The following LHX3 variants were observed in gnomAD, a reference collection of about 807,000 sequenced individuals.
LHX3 encodes LIM/homeobox protein Lhx3.
LHX3 carries 21 observed loss-of-function variants against 32.4 expected under a neutral mutation model. The observed-to-expected ratio is 0.65, with a 90% CI of 0.46 to 0.93. The LOEUF (loss-of-function observed/expected upper bound fraction) is 0.93. Ranked by LOEUF, LHX3 falls within the 40% of genes least tolerant of loss-of-function variation. The pLI is 0.00. For synonymous variants in LHX3, 258 were observed against 246.8 expected, an observed-to-expected ratio of 1.05 and a Z score of -0.43; for missense variants, 626 against 560.0, an observed-to-expected ratio of 1.12 and a Z score of -1.19.
intron 1 of LHX3, chr9:136,203,247 G>A: frequency 1.8e-6 from 1 of 555,498 alleles, no homozygotes; most frequent in Non-Finnish European, 2.3e-6. Context: ...GCGGGGCCGG[G>A]GGTCGCGGAG....
intron 5 of LHX3, 117 bp from the exon 6 acceptor site, chr9:136,197,860 AT>A: frequency 2.9e-6 from 3 of 1,038,122 alleles, no homozygotes; most frequent in Non-Finnish European, 4.3e-6. Flanking sequence ...CCCACACCAC[AT>A]GACAGGTCAT....
At chr9:136,200,180 C>T (rs943598865) in intron 2 of LHX3, 3 of 568,636 alleles carry the variant, frequency 5.3e-6, no homozygotes, top group Admixed American at 6.1e-5. Context: ...CCCTCACACC[C>T]CACAGCTGGA....
rs368513609 is a variant in LHX3 at position 136,197,380 on chromosome 9, T to C, written c.1139A>G (p.Asp380Gly). 3.1e-6 allele frequency: 5 copies of C among 1,611,596 alleles called. No individual in the cohort carries two copies. The African/African-American group carries it at 6.7e-5, about 22-fold the overall frequency. The change falls in exon 6 of 6, where the codon GAC (aspartate) becomes GGC (glycine). Residue 380 changes from aspartate to glycine, a missense_variant. Asp to Gly is a moderately conservative substitution (Grantham distance 94). Coordinates refer to ENST00000371748, the MANE Select transcript of LHX3 (RefSeq NM_178138.6). ...CCAGGAGGCGGGGCTGGCAGGGAAG[T>C]CGGGGTAACCCCCGCTGCTCCCCGT... ...LSTGSSGGYP[D>G]FPASPASWLD...
In LHX3 at chr9:136,197,363, C is replaced by A; in HGVS notation, c.1156G>T (p.Ala386Ser). 6.2e-7 allele frequency: 1 copy of A among 1,612,148 alleles called. No homozygotes were observed. Among genetic ancestry groups the A allele is most frequent in the African/African-American group, 1.3e-5 (1 of 75,048 alleles). Residue 386 changes from alanine to serine, a missense_variant, in exon 6 of 6, where the codon GCC becomes TCC. Coordinates refer to ENST00000371748, the MANE Select transcript of LHX3 (RefSeq NM_178138.6). ...TGGTCTACCTCATCCAGCCAGGAGG[C>A]GGGGCTGGCAGGGAAGTCGGGGTAA... ...GGYPDFPASP[A>S]SWLDEVDHAQ...
In LHX3 at chr9:136,200,659, G is replaced by A; in HGVS notation, c.174C>T (p.Cys58=). ...CGGCCAGTGGCGTGTGGCAGTCGCT[G>A]CACTTGAGACACTTGCTGTGCCAGT... is the stretch of plus-strand genomic sequence containing the variant. ...DRHWHSKCLK[C]SDCHTPLAER... The change falls in exon 2 of 6, where the codon TGC becomes TGT. Residue 58 remains cysteine, a synonymous_variant. Coordinates refer to ENST00000371748, the MANE Select transcript of LHX3 (RefSeq NM_178138.6). 1 of 1,613,612 alleles carries A rather than the reference G, an allele frequency of 6.2e-7. No individual in the cohort carries two copies. The highest frequency in any genetic ancestry group is 8.5e-7 in the Non-Finnish European group (1 of 1,180,018).
chr9:136,200,023 G>T, intron 2 of LHX3, 143 bp from the exon 3 acceptor site: 1 of 845,352 alleles, frequency 1.2e-6, no homozygotes, highest in Non-Finnish European at 1.9e-6. Context: ...TCGCCAGCCT[G>T]GCCGCCGGGG....
chr9:136,204,764 TC>T (rs1305973659), intron 1 of LHX3, among the ~76,000 whole-genome samples, 169 bp downstream of exon 1: 2 of 151,984 alleles, frequency 1.3e-5, no homozygotes, highest in Admixed American at 1.3e-4. Context: ...CGTCAGGCCC[TC>T]CCCGCCACCC....
At chr9:136,200,437 G>C in intron 2 of LHX3, 145 bp downstream of exon 2, 4 of 961,646 alleles carry the variant, frequency 4.2e-6, no homozygotes, top group South Asian at 1.5e-5. Flanking sequence ...CCAGGCCACA[G>C]GGTGCCCTGC....
intron 2 of LHX3, chr9:136,200,293 G>C: frequency 1.8e-6 from 1 of 555,422 alleles, no homozygotes; most frequent in Non-Finnish European, 3.2e-6. Flanking sequence ...ACAAATAGGG[G>C]TGTATCTTCT....
At chr9:136,204,341 A>G (rs891339079) in intron 1 of LHX3, among the ~76,000 whole-genome samples, 1 of 152,196 alleles carries the variant, frequency 6.6e-6, no homozygotes, top group Non-Finnish European at 1.5e-5. Flanking sequence ...GCGGGTGCAA[A>G]GCCGAGTGTG....
chr9:136,199,886 G>T lies in LHX3; in HGVS notation c.252-6C>A, dbSNP rs1831597207. The T allele has an allele frequency of 1.9e-6, 3 of 1,578,576 alleles. No homozygotes were observed. Among genetic ancestry groups the T allele is most frequent in the Non-Finnish European group, 2.6e-6 (3 of 1,162,912 alleles). On this transcript the variant is annotated splice_region_variant and splice_polypyrimidine_tract_variant and intron_variant, in intron 2 of 5. Coordinates refer to ENST00000371748, the MANE Select transcript of LHX3 (RefSeq NM_178138.6). ...CGCACTTGGTCCCGAAGCGCCTGCG[G>T]GACGCACAGGGCCGGGCTCAGCGCG...
Position 136,200,735 on chromosome 9 carries a change from C to G in LHX3, c.98G>C (p.Gly33Ala). ...GCGGTCCAGGATGTGCTGGTCACAG[C>G]CAGCGCACAGCGGGATCTCTGTGGG... ...GGTREIPLCAGCDQHILDRFI... is the reference protein window; with the variant it reads ...GGTREIPLCAACDQHILDRFI... The change falls in exon 2 of 6, where the codon GGC becomes GCC. Residue 33 changes from glycine to alanine, a missense_variant. Transcript: ENST00000371748. The G allele has an allele frequency of 1.2e-6, 2 of 1,613,450 alleles. No homozygotes were observed. The highest frequency in any genetic ancestry group is 2.2e-5 in the South Asian group (2 of 91,090).
chr9:136,199,610 C>G, intron 3 of LHX3, 68 bp downstream of exon 3: 2 of 1,538,414 alleles, frequency 1.3e-6, no homozygotes. Flanking sequence ...CGGACGCCCC[C>G]CTGGGCGTGG....
Position 136,199,748 on chromosome 9 carries a change from G to GC in LHX3, c.383dup (p.Asp129ArgfsTer126), listed in dbSNP as rs1564283414. On this transcript the variant is annotated frameshift_variant, in exon 3 of 6. Coordinates refer to ENST00000371748, the MANE Select transcript of LHX3 (RefSeq NM_178138.6). LOFTEE classifies it high-confidence loss of function. ...TGTCCTCCATGAGGTAGAACTCGTC[G>GC]CCCGTGGCCAGCTGCCGCTTGCACA... The GC allele has an allele frequency of 5.0e-6, 8 of 1,612,874 alleles. No homozygotes were observed. Among genetic ancestry groups the GC allele is most frequent in the Non-Finnish European group, 6.8e-6 (8 of 1,179,922 alleles).
rs745419880 is a variant in LHX3 at position 136,200,608 on chromosome 9, G to A, written c.225C>T (p.Ser75=). ...TGAAAAAGTCGTCCTTGCAGTAAACGCTCTCCCCTCGGCTGAAGCAGCGCT... is the reference window on the plus strand; with the variant it reads ...TGAAAAAGTCGTCCTTGCAGTAAACACTCTCCCCTCGGCTGAAGCAGCGCT... ...LAERCFSRGE[S]VYCKDDFFKR... is the part of the protein sequence containing the mutation. Residue 75 remains serine (S), a synonymous_variant, in exon 2 of 6, where the codon AGC becomes AGT. Coordinates refer to ENST00000371748, the MANE Select transcript of LHX3 (RefSeq NM_178138.6). 8 of 1,613,382 alleles carry A rather than the reference G, an allele frequency of 5.0e-6. No individual in the cohort carries two copies. The highest frequency in any genetic ancestry group is 2.7e-5 in the African/African-American group (2 of 74,942).
In LHX3 at chr9:136,198,636, C is replaced by T. The variant is rs758270904; in HGVS notation, c.775+16G>A. The stretch of plus-strand genomic sequence containing the variant: ...CGCGCTCGTCCCCCCCCGAGCTCCG[C>T]GATCCCTCCGCCTACCGGGGAAGGA... On this transcript the variant is annotated intron_variant, in intron 5 of 5. Transcript: ENST00000371748. 8 of 1,565,784 alleles carry T rather than the reference C, an allele frequency of 5.1e-6. 1 individual carries two copies. Among genetic ancestry groups the T allele is most frequent in the South Asian group, 4.7e-5 (4 of 85,954 alleles).
In LHX3 at chr9:136,204,985, C is replaced by T; in HGVS notation, c.28G>A (p.Asp10Asn). 2 of 1,592,440 alleles carry T rather than the reference C, an allele frequency of 1.3e-6. No homozygotes were observed. The highest frequency in any genetic ancestry group is 2.3e-5 in the East Asian group (1 of 44,250). The part of the protein sequence containing the change: MLLETGLER[D>N]RARPGAAAVC... The stretch of plus-strand genomic sequence containing the variant: ...GCGGCGGCCCCGGGCCTCGCTCGGT[C>T]GCGCTCGAGCCCCGTTTCCAGCAGC... The change falls in exon 1 of 6, where the codon GAC (aspartate) becomes AAC (asparagine). Residue 10 changes from aspartate (D) to asparagine (N), a missense_variant. Coordinates refer to ENST00000371748, the MANE Select transcript of LHX3 (RefSeq NM_178138.6).
intron 2 of LHX3, 59 bp from the exon 3 acceptor site, chr9:136,199,939 C>T (rs770331505): frequency 1.5e-5 from 23 of 1,519,934 alleles, no homozygotes; most frequent in South Asian, 6.0e-5. Flanking sequence ...TCGCCCCGAG[C>T]GGGTTGGAGA....
At chr9:136,199,082 G>C (rs1403741700) in intron 3 of LHX3, 23 bp from the exon 4 acceptor site, 3 of 1,432,058 alleles carry the variant, frequency 2.1e-6, no homozygotes, top group Non-Finnish European at 2.8e-6. Context: ...CGAGCGGTGA[G>C]GCGCGGCAGC....
Sources: allele counts gnomAD v4.1 joint callset (sites outside exome capture counted in the v4.1 genomes callset), GRCh38; gene constraint gnomAD v4.1.1; transcripts MANE v1.5; gene names NCBI Gene and HGNC (gene_info 2026-07-23, HGNC 2026-07-21).